The following WDR7 variants were observed in gnomAD, a reference collection of about 807,000 sequenced individuals.
WDR7 encodes WD repeat domain 7.
A neutral mutation model predicts 169.4 loss-of-function variants in WDR7; 46 were observed. That is an observed-to-expected ratio of 0.27 (90% CI 0.21 to 0.35). The LOEUF is 0.35. Among genes scored for constraint, WDR7 ranks in the 10% least tolerant of loss-of-function variants. WDR7 has a pLI of 1.00. For missense variants in WDR7, 1,534 were observed against 1,859.3 expected (o/e 0.83, Z 3.22); for synonymous variants, 612 against 666.8 (o/e 0.92, Z 1.27).
chr18:56,864,977 A>G (rs2045861012), intron 20 of WDR7, among the ~76,000 whole-genome samples: 1 of 151,986 alleles, frequency 6.6e-6, no homozygotes, highest in South Asian at 2.1e-4. Flanking sequence ...TGTTATCCAA[A>G]CAAGACCGAT....
intron 1 of WDR7, among the ~76,000 whole-genome samples, chr18:56,671,289 GT>G (rs2025127861): frequency 9.3e-6 from 1 of 107,382 alleles, no homozygotes; most frequent in African/African-American, 3.1e-5. Context: ...ACTGAGCAAA[GT>G]GTTTTTTTTT....
intron 26 of WDR7, among the ~76,000 whole-genome samples, chr18:56,974,679 G>A (rs1318272789): frequency 1.3e-5 from 2 of 152,220 alleles, no homozygotes; most frequent in South Asian, 2.1e-4. Flanking sequence ...TTAACCCCAC[G>A]AGTCAGTAAA....
At chr18:57,010,281 C>G (rs1180091983) in intron 26 of WDR7, 1 of 985,112 alleles carries the variant, frequency 1.0e-6, no homozygotes, top group Non-Finnish European at 1.2e-6. Context: ...GCAAGTGAAA[C>G]TTTAATAAAT....
intron 26 of WDR7, among the ~76,000 whole-genome samples, chr18:56,965,697 G>A (rs1172077648): frequency 6.6e-6 from 1 of 151,934 alleles, no homozygotes; most frequent in Admixed American, 6.6e-5. Context: ...ACTGTTTTGT[G>A]GTCCACAAGC....
At chr18:56,942,666 A>G (rs2047049627) in intron 25 of WDR7, among the ~76,000 whole-genome samples, 2 of 152,184 alleles carry the variant, frequency 1.3e-5, no homozygotes, top group South Asian at 4.1e-4. Context: ...AAACATAACT[A>G]TTTATTTATA....
At chr18:56,699,193 A>T (rs1198853810) in intron 12 of WDR7, among the ~76,000 whole-genome samples, 1 of 152,232 alleles carries the variant, frequency 6.6e-6, no homozygotes, top group Non-Finnish European at 1.5e-5. Flanking sequence ...TTAGCTGGTT[A>T]GGTGGTTTTA....
chr18:56,700,958 C>A (rs1442767416), intron 12 of WDR7, among the ~76,000 whole-genome samples: 2 of 152,038 alleles, frequency 1.3e-5, no homozygotes, highest in African/African-American at 4.8e-5. Context: ...TTACCTGATA[C>A]GGATTATTTT....
intron 4 of WDR7, among the ~76,000 whole-genome samples, chr18:56,682,126 C>G (rs1017826312): frequency 1.3e-5 from 2 of 152,148 alleles, no homozygotes; most frequent in Non-Finnish European, 2.9e-5. Context: ...ATTTAGTCCT[C>G]CTGACACCCT....
At chr18:56,724,209 ATT>A (rs58382196) in intron 13 of WDR7, among the ~76,000 whole-genome samples, 45 of 97,998 alleles carry the variant, frequency 4.6e-4, no homozygotes, top group African/African-American at 1.8e-3. Flanking sequence ...ATGCCTGGTA[ATT>A]TTTTTTTTTT....
At chr18:56,800,837 G>A (rs148075995) in intron 19 of WDR7, among the ~76,000 whole-genome samples, 6 of 152,200 alleles carry the variant, frequency 3.9e-5, no homozygotes, top group African/African-American at 1.2e-4. Context: ...CCTGCCTTCC[G>A]TAGAATCAGT....
intron 1 of WDR7, among the ~76,000 whole-genome samples, chr18:56,657,615 G>A (rs1012616373): frequency 6.6e-6 from 1 of 152,206 alleles, no homozygotes; most frequent in African/African-American, 2.4e-5. Context: ...CCATCAATAA[G>A]AGGACATGTT....
chr18:56,962,618 A>G, intron 26 of WDR7, 89 bp downstream of exon 26: 1 of 1,174,292 alleles, frequency 8.5e-7, no homozygotes, highest in Non-Finnish European at 1.3e-6. Flanking sequence ...TGACGTGCTG[A>G]GCTGCTGGAA....
chr18:56,949,047 T>C (rs1490892811), intron 25 of WDR7, among the ~76,000 whole-genome samples: 1 of 152,110 alleles, frequency 6.6e-6, no homozygotes, highest in African/African-American at 2.4e-5. Context: ...GGACAAGGAG[T>C]TTACACTTCA....
At chr18:56,696,660 G>A (rs921114895) in intron 12 of WDR7, among the ~76,000 whole-genome samples, 198 bp downstream of exon 12, 6 of 152,192 alleles carry the variant, frequency 3.9e-5, no homozygotes, top group African/African-American at 1.2e-4. Flanking sequence ...CATAGAAACA[G>A]AAGAGAGACA....
At chr18:56,877,207 A>G (rs934940672) in intron 20 of WDR7, among the ~76,000 whole-genome samples, 1 of 152,184 alleles carries the variant, frequency 6.6e-6, no homozygotes, top group African/African-American at 2.4e-5. Flanking sequence ...TTCCATACCA[A>G]TAAATTTGAA....
chr18:57,024,414 C>G (rs1423788906), intron 27 of WDR7, among the ~76,000 whole-genome samples: 1 of 152,096 alleles, frequency 6.6e-6, no homozygotes, highest in Non-Finnish European at 1.5e-5. Flanking sequence ...CACATTCATG[C>G]CGAATTTGAA....
chr18:56,691,830 A>G lies in WDR7; in HGVS notation c.966+13A>G. On this transcript the variant is annotated intron_variant, in intron 9 of 27. Transcript: ENST00000254442. ...AAAAGATAAAGAGGTAAAATTCTTG[A>G]GGTGTCATTTATAATTGAAAGTTAC... 1 of 1,591,636 alleles carries G rather than the reference A, an allele frequency of 6.3e-7. No homozygotes were observed. Among genetic ancestry groups the G allele is most frequent in the Admixed American group, 1.7e-5 (1 of 57,614 alleles).
At chr18:56,733,540 G>A (rs1436522946) in intron 14 of WDR7, among the ~76,000 whole-genome samples, 1 of 152,124 alleles carries the variant, frequency 6.6e-6, no homozygotes, top group African/African-American at 2.4e-5. Flanking sequence ...ATACTCTATA[G>A]AAAGTGCTGC....
At chr18:56,928,067 C>T (rs755723723) in intron 22 of WDR7, among the ~76,000 whole-genome samples, 3 of 152,234 alleles carry the variant, frequency 2.0e-5, no homozygotes, top group African/African-American at 4.8e-5. Context: ...GGTAGGAAAG[C>T]GCAGGCATGC....
Sources: allele counts gnomAD v4.1 joint callset (sites outside exome capture counted in the v4.1 genomes callset), GRCh38; gene constraint gnomAD v4.1.1; transcripts MANE v1.5; gene names NCBI Gene and HGNC (gene_info 2026-07-23, HGNC 2026-07-21).